The following MYO1E variants were observed in gnomAD, a reference collection of about 807,000 sequenced individuals.
The protein encoded by MYO1E is myosin IE.
In MYO1E, 68 loss-of-function variants were observed where a neutral mutation model predicts 151.1. The ratio of observed to expected loss-of-function variants is 0.45; its 90% confidence interval spans 0.37 to 0.55. The LOEUF is 0.55. MYO1E is among the 20% of genes least tolerant of loss of function. MYO1E has a pLI of 0.00. For synonymous variants in MYO1E, 601 were observed against 501.7 expected (o/e 1.20, Z -2.64); for missense variants, 1,363 against 1,389.3 (o/e 0.98, Z 0.30).
intron 22 of MYO1E, among the ~76,000 whole-genome samples, chr15:59,168,802 G>A (rs1566969239): frequency 6.6e-6 from 1 of 152,018 alleles, no homozygotes; most frequent in Non-Finnish European, 1.5e-5. Context: ...CACATTTTTT[G>A]TAGAGATGGG....
intron 4 of MYO1E, among the ~76,000 whole-genome samples, chr15:59,246,030 T>C (rs1333474883): frequency 6.6e-6 from 1 of 152,242 alleles, no homozygotes; most frequent in Non-Finnish European, 1.5e-5. Context: ...GCTAAGCAGA[T>C]ATGGGTGGCT....
chr15:59,287,888 C>G lies in MYO1E; in HGVS notation c.4-15439G>C, dbSNP rs548228603. Among the ~76,000 whole-genome samples the G allele has an allele frequency of 2.6e-5, 4 of 152,276 alleles. No individual in the cohort carries two copies. In the South Asian group the frequency reaches 8.3e-4, roughly 32 times the overall value. Reference sequence around the variant, plus strand: ...CAACCCTCAACTAGAAGGAGTGGATCAGAAAATGCGTGAATGAATGATTAT... The same window carrying G: ...CAACCCTCAACTAGAAGGAGTGGATGAGAAAATGCGTGAATGAATGATTAT... On this transcript the variant is annotated intron_variant, in intron 1 of 27. Transcript: ENST00000288235.
intron 19 of MYO1E, 62 bp from the exon 20 acceptor site, chr15:59,174,302 T>A: frequency 8.5e-7 from 1 of 1,175,622 alleles, no homozygotes; most frequent in East Asian, 2.3e-5. Context: ...GAACAACACT[T>A]TTCTTGTTAT....
intron 10 of MYO1E, 96 bp downstream of exon 10, chr15:59,217,795 T>G (rs2079928645): frequency 1.3e-5 from 18 of 1,395,362 alleles, no homozygotes; most frequent in Non-Finnish European, 1.7e-5. Context: ...CTCAAAGTAC[T>G]GGGATTACAG....
intron 2 of MYO1E, chr15:59,271,209 T>C (rs2080287054): frequency 6.6e-6 from 1 of 152,204 alleles, no homozygotes; most frequent in Non-Finnish European, 1.5e-5. Context: ...CAAAAGTTAT[T>C]ACTGCAAAGG....
chr15:59,365,765 G>C lies in MYO1E; in HGVS notation c.3+6733C>G, dbSNP rs376726098. On this transcript the variant is annotated intron_variant, in intron 1 of 27. Transcript: ENST00000288235. ...GACCCAAGAGAGTGTGCCTCCTTCAGAGCAGTTCTTATACTTATTCCAGGA... is the reference window on the plus strand; with the variant it reads ...GACCCAAGAGAGTGTGCCTCCTTCACAGCAGTTCTTATACTTATTCCAGGA... 4.6e-5 allele frequency among the ~76,000 whole-genome samples: 7 copies of C among 152,274 alleles called. No homozygotes were observed. In the South Asian group the frequency reaches 1.2e-3, roughly 27 times the overall value.
At chr15:59,363,970 G>T (rs2080899362) in intron 1 of MYO1E, among the ~76,000 whole-genome samples, 1 of 152,074 alleles carries the variant, frequency 6.6e-6, no homozygotes, top group Non-Finnish European at 1.5e-5. Context: ...AGAGACGGGG[G>T]TTTTGACATG....
At chr15:59,180,111 A>G (rs2079649453) in intron 18 of MYO1E, among the ~76,000 whole-genome samples, 2 of 152,238 alleles carry the variant, frequency 1.3e-5, no homozygotes, top group Admixed American at 6.5e-5. Flanking sequence ...ATCTTGCCTG[A>G]TAATATCATA....
chr15:59,366,741 C>T (rs980074963), intron 1 of MYO1E, among the ~76,000 whole-genome samples: 7 of 151,982 alleles, frequency 4.6e-5, no homozygotes, highest in Non-Finnish European at 7.4e-5. Flanking sequence ...TGCTAGGATG[C>T]CCCAAAACCT....
At chr15:59,222,981 A>T in intron 9 of MYO1E, 78 bp downstream of exon 9, 1 of 1,590,416 alleles carries the variant, frequency 6.3e-7, no homozygotes, top group East Asian at 2.2e-5. Flanking sequence ...TTGAGATCTA[A>T]GCAAAGGAAA....
intron 3 of MYO1E, 137 bp downstream of exon 3, chr15:59,261,283 C>T (rs1365971075): frequency 2.3e-6 from 1 of 438,782 alleles, no homozygotes; most frequent in Non-Finnish European, 4.1e-6. Context: ...CATTAAAAAT[C>T]AAACAATGTC....
At chr15:59,184,374 T>C (rs1188629894) in intron 18 of MYO1E, among the ~76,000 whole-genome samples, 1 of 152,056 alleles carries the variant, frequency 6.6e-6, no homozygotes, top group Non-Finnish European at 1.5e-5. Flanking sequence ...TTCTTTTTTT[T>C]GAGACACAGT....
intron 1 of MYO1E, among the ~76,000 whole-genome samples, chr15:59,363,533 A>G (rs1372824055): frequency 1.3e-5 from 2 of 152,220 alleles, no homozygotes; most frequent in Non-Finnish European, 2.9e-5. Flanking sequence ...GGCATTGTCA[A>G]ATTTAGAAAT....
At chr15:59,234,205 T>C (rs1486636029) in intron 5 of MYO1E, among the ~76,000 whole-genome samples, 2 of 144,674 alleles carry the variant, frequency 1.4e-5, no homozygotes, top group African/African-American at 2.7e-5. Flanking sequence ...TGGACATCAC[T>C]GATCACTGAT....
chr15:59,138,283 C>T lies in MYO1E; in HGVS notation c.3165G>A (p.Gln1055=). The T allele has an allele frequency of 6.2e-7, 1 of 1,614,250 alleles. No individual in the cohort carries two copies. The highest frequency in any genetic ancestry group is 8.5e-7 in the Non-Finnish European group (1 of 1,180,040). The part of the protein sequence containing the change: ...PQPKPKPQVP[Q]CKALYAYDAQ... ...CGTCATAGGCATACAAAGCCTTGCA[C>T]TGTGGCACCTGAGGCTTGGGCTTGG... The change falls in exon 27 of 28, where the codon CAG becomes CAA. Residue 1055 remains glutamine (Q), a synonymous_variant. Transcript: ENST00000288235.
chr15:59,369,409 C>G (rs1220053374), intron 1 of MYO1E, among the ~76,000 whole-genome samples: 3 of 152,184 alleles, frequency 2.0e-5, no homozygotes, highest in African/African-American at 7.2e-5. Context: ...TTTCTGGATC[C>G]AAAGCACATA....
At position 59,178,550 on chromosome 15, in the gene MYO1E, TG is replaced by T. The variant is rs762096400; in HGVS notation, c.1905-14del. On this transcript the variant is annotated splice_polypyrimidine_tract_variant and intron_variant, in intron 18 of 27. Coordinates refer to ENST00000288235, the MANE Select transcript of MYO1E (RefSeq NM_004998.4). ...CAGAATGGCATACCTGTGGGGACATTGGGGAGAAGAGAATCACACTTGGGCG... is the reference window on the plus strand; with the variant it reads ...CAGAATGGCATACCTGTGGGGACATTGGGAGAAGAGAATCACACTTGGGCG... The T allele has an allele frequency of 6.2e-7, 1 of 1,613,496 alleles. No individual in the cohort carries two copies. The highest frequency in any genetic ancestry group is 1.3e-5 in the African/African-American group (1 of 74,920).
At chr15:59,307,060 C>G (rs2140407606) in intron 1 of MYO1E, among the ~76,000 whole-genome samples, 1 of 152,320 alleles carries the variant, frequency 6.6e-6, no homozygotes, top group African/African-American at 2.4e-5. Context: ...CTGGGAAAGT[C>G]TTCCTGGCAG....
Position 59,365,807 on chromosome 15 carries a change from A to T in MYO1E, c.3+6691T>A, listed in dbSNP as rs111762796. Among the ~76,000 whole-genome samples the T allele has an allele frequency of 4.3e-4, 65 of 152,330 alleles. 2 individuals carry two copies. Among genetic ancestry groups the T allele is most frequent in the African/African-American group, 1.5e-3 (62 of 41,576 alleles). On this transcript the variant is annotated intron_variant, in intron 1 of 27. Transcript: ENST00000288235. ...ATTCCAGGAAAAAGGGACCTGCTGGATACTGCATATCTTTAGTGGGGCTAA... is the reference window on the plus strand; with the variant it reads ...ATTCCAGGAAAAAGGGACCTGCTGGTTACTGCATATCTTTAGTGGGGCTAA...
Sources: gnomAD v4.1 joint callset for allele counts (sites outside exome capture counted in the v4.1 genomes callset) on GRCh38, gnomAD v4.1.1 for gene constraint, MANE v1.5 for transcripts, NCBI Gene and HGNC (gene_info 2026-07-23, HGNC 2026-07-21) for gene names.